The following PCDH11X variants were observed in gnomAD, a reference collection of about 807,000 sequenced individuals.
PCDH11X encodes the protein protocadherin-11 X-linked.
In PCDH11X, 18 loss-of-function variants were observed where a neutral mutation model predicts 53.3. That is an observed-to-expected ratio of 0.34 (90% CI 0.23 to 0.50). The LOEUF is 0.50. PCDH11X is among the 20% of genes least tolerant of loss of function. PCDH11X has a pLI of 0.98. For synonymous variants in PCDH11X, 279 were observed against 393.3 expected (o/e 0.71, Z 3.44); for missense variants, 570 against 1,032.4 (o/e 0.55, Z 6.14).
At chrX:91,822,213 C>G (rs1178825351) in intron 4 of PCDH11X, among the ~76,000 whole-genome samples, 2 of 109,670 alleles carry the variant, frequency 1.8e-5, no homozygotes, top group African/African-American at 6.9e-5. Context: ...AGGATTCTCT[C>G]TTTCTCTATT....
At chrX:92,134,959 G>A (rs1479166543) in intron 6 of PCDH11X, among the ~76,000 whole-genome samples, 2 of 110,793 alleles carry the variant, frequency 1.8e-5, no homozygotes, top group Non-Finnish European at 3.8e-5. Flanking sequence ...TTAACCATCT[G>A]GGAATGCAGC....
At chrX:92,504,657 A>G (rs1417104491) in intron 10 of PCDH11X, among the ~76,000 whole-genome samples, 7 of 111,818 alleles carry the variant, frequency 6.3e-5, no homozygotes, top group Non-Finnish European at 1.1e-4. Flanking sequence ...CTTTGTGTAT[A>G]TACCCAGTAA....
At chrX:91,989,317 C>G (rs1241103403) in intron 6 of PCDH11X, among the ~76,000 whole-genome samples, 1 of 111,191 alleles carries the variant, frequency 9.0e-6, no homozygotes, top group Admixed American at 9.5e-5. Context: ...AATCCCAGCA[C>G]TTTGGGAGGC....
chrX:91,869,923 A>G (rs1017935319), intron 5 of PCDH11X, among the ~76,000 whole-genome samples: 4 of 111,967 alleles, frequency 3.6e-5, no homozygotes, highest in Non-Finnish European at 7.5e-5. Flanking sequence ...ACAAGTAAAA[A>G]AGAGAATTCT....
chrX:92,610,028 G>T (rs1172655924), intron 10 of PCDH11X, among the ~76,000 whole-genome samples: 1 of 111,869 alleles, frequency 8.9e-6, no homozygotes, highest in African/African-American at 3.2e-5. Flanking sequence ...CCATGTCTTT[G>T]CTATTGTGAA....
intron 7 of PCDH11X, among the ~76,000 whole-genome samples, chrX:92,256,288 A>G (rs12560080): frequency 0.12 from 12,975 of 107,991 alleles, 1,199 homozygotes; most frequent in African/African-American, 0.32. Context: ...GCAATGCCTC[A>G]CCCTGCTTCA....
At chrX:91,895,909 A>G (rs1940733597) in intron 6 of PCDH11X, among the ~76,000 whole-genome samples, 1 of 103,870 alleles carries the variant, frequency 9.6e-6, no homozygotes, top group Admixed American at 1.1e-4. Context: ...TACATATTAT[A>G]TACATATACA....
At chrX:92,101,546 G>A in intron 6 of PCDH11X, among the ~76,000 whole-genome samples, 1 of 111,161 alleles carries the variant, frequency 9.0e-6, no homozygotes, top group East Asian at 2.8e-4. Context: ...AAAACTGCTT[G>A]GCTGATTTGA....
intron 9 of PCDH11X, among the ~76,000 whole-genome samples, chrX:92,437,935 A>C (rs1402266170): frequency 8.9e-6 from 1 of 111,957 alleles, no homozygotes; most frequent in Non-Finnish European, 1.9e-5. Flanking sequence ...TATTGAAAAC[A>C]ATAAGGGACC....
intron 5 of PCDH11X, among the ~76,000 whole-genome samples, chrX:91,857,993 C>T (rs1938448906): frequency 9.0e-6 from 1 of 111,593 alleles, no homozygotes; most frequent in African/African-American, 3.3e-5. Context: ...CATGCCCTTG[C>T]AGAGGTTCTC....
At chrX:92,121,163 C>CT (rs757267187) in intron 6 of PCDH11X, among the ~76,000 whole-genome samples, 11,418 of 103,728 alleles carry the variant, frequency 0.11, 759 homozygotes, top group East Asian at 0.42. Flanking sequence ...TGTCTTTTTT[C>CT]TTTTTTTTTT....
chrX:92,148,773 T>TAC (rs1413881954), intron 6 of PCDH11X, among the ~76,000 whole-genome samples: 6 of 108,373 alleles, frequency 5.5e-5, no homozygotes, highest in African/African-American at 2.0e-4. Context: ...TATATATATG[T>TAC]GTGTGTATAT....
At chrX:92,498,866 C>G (rs1023410522) in intron 10 of PCDH11X, among the ~76,000 whole-genome samples, 3 of 100,827 alleles carry the variant, frequency 3.0e-5, no homozygotes, top group African/African-American at 1.1e-4. Flanking sequence ...TGAATAGCAG[C>G]CTATTTGTTG....
intron 6 of PCDH11X, among the ~76,000 whole-genome samples, chrX:92,007,712 A>G (rs1379751620): frequency 8.9e-6 from 1 of 111,821 alleles, no homozygotes; most frequent in Non-Finnish European, 1.9e-5. Flanking sequence ...TTTCTCAAGC[A>G]GGAGTTTTGC....
At chrX:92,102,389 T>C (rs2064277506) in intron 6 of PCDH11X, among the ~76,000 whole-genome samples, 1 of 111,475 alleles carries the variant, frequency 9.0e-6, no homozygotes, top group African/African-American at 3.3e-5. Context: ...ACAGAAAGGC[T>C]ACAGGGTTCA....
intron 8 of PCDH11X, among the ~76,000 whole-genome samples, chrX:92,352,611 A>G (rs1252324329): frequency 2.7e-5 from 3 of 110,253 alleles, no homozygotes; most frequent in Non-Finnish European, 3.8e-5. Flanking sequence ...CTCATTTGGT[A>G]GGCTATGTCA....
chrX:92,564,631 A>G (rs1232260842), intron 10 of PCDH11X, among the ~76,000 whole-genome samples: 2 of 111,754 alleles, frequency 1.8e-5, no homozygotes, highest in Non-Finnish European at 3.8e-5. Flanking sequence ...AATGGATTAC[A>G]TACTTAAATC....
intron 6 of PCDH11X, among the ~76,000 whole-genome samples, chrX:92,175,204 C>T (rs746812912): frequency 3.3e-4 from 37 of 110,876 alleles, no homozygotes; most frequent in African/African-American, 1.1e-3. Flanking sequence ...CTCGAACTCC[C>T]GACCTCAGGT....
intron 7 of PCDH11X, among the ~76,000 whole-genome samples, chrX:92,234,067 T>C (rs1449031321): frequency 2.7e-5 from 3 of 112,141 alleles, no homozygotes; most frequent in Non-Finnish European, 3.8e-5. Context: ...GATAATTCAA[T>C]AGTATTGTTA....
Sources: gnomAD v4.1 joint callset for allele counts (sites outside exome capture counted in the v4.1 genomes callset) on GRCh38, gnomAD v4.1.1 for gene constraint, MANE v1.5 for transcripts, NCBI Gene and HGNC (gene_info 2026-07-23, HGNC 2026-07-21) for gene names.